Variants in FYTTD1 observed in about 807,000 individuals in gnomAD.
FYTTD1 encodes the protein forty-two-three domain containing 1.
In FYTTD1, 22 loss-of-function variants were observed where a neutral mutation model predicts 40.9. The observed-to-expected ratio is 0.54, with a 90% CI of 0.38 to 0.77. FYTTD1 has a LOEUF of 0.77. FYTTD1 is among the 30% of genes least tolerant of loss of function. The pLI is 0.00. For missense variants in FYTTD1, 351 were observed against 392.2 expected, an observed-to-expected ratio of 0.90 and a Z score of 0.89; for synonymous variants, 140 against 137.9, an observed-to-expected ratio of 1.01 and a Z score of -0.10.
At position 197,749,991 on chromosome 3, in the gene FYTTD1, G is replaced by A. The variant is rs1247457765; in HGVS notation, c.20G>A (p.Arg7Gln). Residue 7 changes from arginine to glutamine, a missense_variant, in exon 1 of 9, where the codon CGG (arginine) becomes CAG (glutamine). Arg to Gln is a conservative substitution (Grantham distance 43). Transcript: ENST00000241502. ...CCAGCCATGAACCGGTTTGGTACCC[G>A]GTTGGTGGGAGCCACGGCGACTTCT... MNRFGTRLVGATATSSP... is the reference protein window; with the variant it reads MNRFGTQLVGATATSSP... The A allele has an allele frequency of 6.3e-7, 1 of 1,583,022 alleles. No individual in the cohort carries two copies. Among genetic ancestry groups the A allele is most frequent in the Non-Finnish European group, 8.6e-7 (1 of 1,166,570 alleles).
At chr3:197,761,150 C>T (rs1013140723) in intron 2 of FYTTD1, among the ~76,000 whole-genome samples, 1 of 150,108 alleles carries the variant, frequency 6.7e-6, no homozygotes, top group African/African-American at 2.5e-5. Flanking sequence ...TAGAGTTGTT[C>T]TTCAATAGTA....
intron 2 of FYTTD1, among the ~76,000 whole-genome samples, chr3:197,760,253 A>C (rs1191879141): frequency 7.0e-6 from 1 of 142,600 alleles, no homozygotes; most frequent in Non-Finnish European, 1.5e-5. Context: ...GAACGTATAG[A>C]GTGTTCTTCA....
At chr3:197,775,670 A>G (rs906850735) in intron 6 of FYTTD1, among the ~76,000 whole-genome samples, 1 of 152,234 alleles carries the variant, frequency 6.6e-6, no homozygotes, top group Non-Finnish European at 1.5e-5. Flanking sequence ...CAGGGCCCAG[A>G]TATGGTGCCA....
At chr3:197,765,423 T>C (rs189176963) in intron 2 of FYTTD1, among the ~76,000 whole-genome samples, 134 of 152,330 alleles carry the variant, frequency 8.8e-4, no homozygotes, top group African/African-American at 3.0e-3. Context: ...GAAGGGTAGC[T>C]GTTACATTAT....
At chr3:197,775,064 T>G (rs1729838019) in intron 6 of FYTTD1, among the ~76,000 whole-genome samples, 1 of 152,260 alleles carries the variant, frequency 6.6e-6, no homozygotes, top group South Asian at 2.1e-4. Context: ...CTATACCATT[T>G]TAATGAAACA....
At chr3:197,764,881 T>A (rs1270726389) in intron 2 of FYTTD1, among the ~76,000 whole-genome samples, 1 of 151,338 alleles carries the variant, frequency 6.6e-6, no homozygotes, top group Non-Finnish European at 1.5e-5. Context: ...GATGGAGTCT[T>A]GCCCTGTCAC....
At chr3:197,776,205 ATTT>A (rs546104827) in intron 6 of FYTTD1, among the ~76,000 whole-genome samples, 3 of 139,436 alleles carry the variant, frequency 2.2e-5, no homozygotes, top group Non-Finnish European at 3.1e-5. Flanking sequence ...CATCATAGCA[ATTT>A]TTTTTTTTTT....
rs1397868930 is a variant in FYTTD1 at position 197,783,869 on chromosome 3, G to T, written c.*1960G>T. The T allele has an allele frequency of 6.6e-6, 1 of 152,516 alleles. No individual in the cohort carries two copies. Among genetic ancestry groups the T allele is most frequent in the African/African-American group, 2.4e-5 (1 of 41,414 alleles). The allele number at this position is 152,516 out of a possible 1,614,324, so 9.4% of individuals were successfully genotyped here. ...AACTTTAAAAATTGCCCCAAATACT[G>T]ACATTGAGTGCATTAAATAACAAAT... On this transcript the variant is annotated 3_prime_UTR_variant, in exon 9 of 9. Transcript: ENST00000241502.
intron 6 of FYTTD1, among the ~76,000 whole-genome samples, chr3:197,776,294 C>T (rs575508973): frequency 6.6e-6 from 1 of 151,640 alleles, no homozygotes; most frequent in East Asian, 1.9e-4. Flanking sequence ...CAACCTCCCC[C>T]TCCCGGGTTC....
Position 197,768,426 on chromosome 3 carries a change from T to C in FYTTD1, c.236-13T>C, listed in dbSNP as rs1021934577. On this transcript the variant is annotated splice_polypyrimidine_tract_variant and intron_variant, in intron 2 of 8. Coordinates refer to ENST00000241502, the MANE Select transcript of FYTTD1 (RefSeq NM_032288.7). ...TTAAATTGACATTTTCTTCTGTTTT[T>C]GCCCTCCTATAGGTTTTGGTAAGAC... 6.4e-7 allele frequency: 1 copy of C among 1,561,818 alleles called. No individual in the cohort carries two copies. Among genetic ancestry groups the C allele is most frequent in the Non-Finnish European group, 8.7e-7 (1 of 1,150,084 alleles).
chr3:197,775,562 C>T (rs1729852424), intron 6 of FYTTD1, among the ~76,000 whole-genome samples: 1 of 152,196 alleles, frequency 6.6e-6, no homozygotes, highest in Non-Finnish European at 1.5e-5. Flanking sequence ...TACAATCGGC[C>T]CTCCATATCC....
At chr3:197,771,776 CAAA>C (rs755304777) in intron 4 of FYTTD1, among the ~76,000 whole-genome samples, 2 of 66,424 alleles carry the variant, frequency 3.0e-5, no homozygotes, top group Admixed American at 2.1e-4. Flanking sequence ...GACTCCGTCT[CAAA>C]AAAAAAAAAA....
Position 197,782,012 on chromosome 3 carries a change from G to A in FYTTD1, c.*103G>A, listed in dbSNP as rs1730041036. On this transcript the variant is annotated 3_prime_UTR_variant, in exon 9 of 9. Transcript: ENST00000241502. The stretch of plus-strand genomic sequence containing the variant: ...AAACTTTACTTCAAAATATTCACAA[G>A]GCTAAATAACTCTTATTTTTATTTT... 4 of 547,262 alleles carry A rather than the reference G, an allele frequency of 7.3e-6. No individual in the cohort carries two copies. In the Admixed American group the frequency reaches 1.1e-4, roughly 16 times the overall value. The allele number at this position is 547,262 out of a possible 1,614,324, so 33.9% of individuals were successfully genotyped here. A position where few individuals can be genotyped will look rare whatever the true frequency, so the allele number is the denominator to read the frequency against.
At chr3:197,755,769 TG>T (rs1365122519) in intron 1 of FYTTD1, 2 of 1,548,598 alleles carry the variant, frequency 1.3e-6, no homozygotes. Flanking sequence ...ATTATAGGTG[TG>T]AGTCACCATG....
chr3:197,767,679 C>G (rs1043769242), intron 2 of FYTTD1, among the ~76,000 whole-genome samples: 1 of 152,076 alleles, frequency 6.6e-6, no homozygotes, highest in East Asian at 1.9e-4. Context: ...GTCTTAAACT[C>G]CTGAGCTCAA....
chr3:197,756,362 G>GA, intron 1 of FYTTD1, 64 bp from the exon 2 acceptor site: 2 of 1,233,652 alleles, frequency 1.6e-6, no homozygotes, highest in Non-Finnish European at 1.2e-6. Context: ...CTATCAGCTA[G>GA]AAAACGAAAC....
chr3:197,764,640 C>T (rs868426708), intron 2 of FYTTD1, among the ~76,000 whole-genome samples: 2 of 140,990 alleles, frequency 1.4e-5, no homozygotes, highest in African/African-American at 2.6e-5. Flanking sequence ...ACCCGGGAGG[C>T]GGAGCTTGCA....
In FYTTD1 at chr3:197,749,997, T is replaced by C; in HGVS notation, c.26T>C (p.Val9Ala). 1.9e-6 allele frequency: 3 copies of C among 1,583,048 alleles called. No homozygotes were observed. Among genetic ancestry groups the C allele is most frequent in the Non-Finnish European group, 2.6e-6 (3 of 1,166,544 alleles). ...ATGAACCGGTTTGGTACCCGGTTGG[T>C]GGGAGCCACGGCGACTTCTTCGCCG... MNRFGTRL[V>A]GATATSSPPP... Residue 9 changes from valine (V) to alanine (A), a missense_variant, in exon 1 of 9, where the codon GTG (valine) becomes GCG (alanine). Val to Ala is a moderately conservative substitution (Grantham distance 64). Transcript: ENST00000241502.
intron 2 of FYTTD1, among the ~76,000 whole-genome samples, chr3:197,759,416 A>G (rs1729304487): frequency 6.6e-6 from 1 of 152,122 alleles, no homozygotes; most frequent in South Asian, 2.1e-4. Context: ...CTTCAGTGGT[A>G]GAATGTATGG....
Sources: gnomAD v4.1 joint callset for allele counts (sites outside exome capture counted in the v4.1 genomes callset) on GRCh38, gnomAD v4.1.1 for gene constraint, MANE v1.5 for transcripts, NCBI Gene and HGNC (gene_info 2026-07-23, HGNC 2026-07-21) for gene names.